PKD1L3: variants seen among roughly 807,000 people sequenced by gnomAD.
The protein encoded by PKD1L3 is polycystin-1-like protein 3.
PKD1L3 carries 239 observed loss-of-function variants against 184.1 expected under a neutral mutation model. That is an observed-to-expected ratio of 1.30 (90% CI 1.17 to 1.45). PKD1L3 has a LOEUF of 1.45. Ranked by LOEUF, PKD1L3 falls within the 40% of genes most tolerant of loss-of-function variation. The probability of loss-of-function intolerance (pLI) is 0.00; values close to 1 mark genes in which losing one functional copy is unlikely to be tolerated. For synonymous variants in PKD1L3, 996 were observed against 778.8 expected, an observed-to-expected ratio of 1.28 and a Z score of -4.64; for missense variants, 2,660 against 2,067.2, an observed-to-expected ratio of 1.29 and a Z score of -5.56.
At chr16:71,956,516 C>T (rs1056676508) in intron 16 of PKD1L3, among the ~76,000 whole-genome samples, 3 of 152,032 alleles carry the variant, frequency 2.0e-5, no homozygotes, top group East Asian at 1.9e-4. Flanking sequence ...AATTCTTGCA[C>T]ATGCTACAGC....
intron 3 of PKD1L3, 124 bp from the exon 4 acceptor site, chr16:71,990,453 C>T: frequency 1.3e-6 from 1 of 743,170 alleles, no homozygotes; most frequent in Admixed American, 2.7e-5. Context: ...AAAACCAAGG[C>T]CGGACATGGT....
At position 71,973,313 on chromosome 16, in the gene PKD1L3, C is replaced by T. The variant is rs1363058698; in HGVS notation, c.1953+11G>A. 2.6e-6 allele frequency: 4 copies of T among 1,551,008 alleles called. No individual in the cohort carries two copies. The highest frequency in any genetic ancestry group is 3.5e-6 in the Non-Finnish European group (4 of 1,146,760). On this transcript the variant is annotated intron_variant, in intron 12 of 29. Coordinates refer to ENST00000620267, the MANE Select transcript of PKD1L3 (RefSeq NM_181536.2). ...CAGAAGAGAGGCCCAAGAAGCGGCT[C>T]AGTTTCTTACTTGGCATCCGGCGCT...
At chr16:71,952,490 A>T (rs1035911898) in intron 18 of PKD1L3, among the ~76,000 whole-genome samples, 2 of 148,572 alleles carry the variant, frequency 1.3e-5, no homozygotes, top group Non-Finnish European at 3.0e-5. Context: ...AAGTGCTGAG[A>T]TTACAGGCGT....
At chr16:71,936,209 C>CTT (rs986834363) in intron 25 of PKD1L3, among the ~76,000 whole-genome samples, 3 of 137,366 alleles carry the variant, frequency 2.2e-5, no homozygotes. Context: ...TTTTTCTTTT[C>CTT]TTTTTTTTTT....
At position 71,929,691 on chromosome 16, in the gene PKD1L3, G is replaced by A; in HGVS notation, c.5059-13C>T. The stretch of plus-strand genomic sequence containing the variant: ...GTGCAGCTTCTTTCTGAGTATTGAA[G>A]ACAAAAAGAGAAAAGTGAGAAAATT... On this transcript the variant is annotated splice_polypyrimidine_tract_variant and intron_variant, in intron 29 of 29. Transcript: ENST00000620267. The A allele has an allele frequency of 1.3e-6, 2 of 1,518,376 alleles. No individual in the cohort carries two copies. Among genetic ancestry groups the A allele is most frequent in the South Asian group, 1.3e-5 (1 of 78,428 alleles). 94.1% of individuals were successfully genotyped at this position (1,518,376 alleles called of 1,614,324 possible).
rs567630909 is a variant in PKD1L3, at chr16:71,979,931, A to G, written c.1272-19T>C. ...GTTTTGTCTAATGAGAAAAGTTAAA[A>G]TGGAAGTCAATTTTTGTGTGTCCTC... On this transcript the variant is annotated intron_variant, in intron 8 of 29. Coordinates refer to ENST00000620267, the MANE Select transcript of PKD1L3 (RefSeq NM_181536.2). 7 of 1,550,630 alleles carry G rather than the reference A, an allele frequency of 4.5e-6. No individual in the cohort carries two copies. In the African/African-American group the frequency reaches 9.6e-5, roughly 21 times the overall value.
rs750980823 is a variant in PKD1L3 at position 71,937,350 on chromosome 16, C to A, written c.4394G>T (p.Trp1465Leu). Residue 1465 changes from tryptophan (W) to leucine (L), a missense_variant, in exon 25 of 30, where the codon TGG (tryptophan) becomes TTG (leucine). Physicochemically the swap from Trp to Leu is moderately conservative, Grantham distance 61. Coordinates refer to ENST00000620267, the MANE Select transcript of PKD1L3 (RefSeq NM_181536.2). ...ATAGATGACTTGTGAGATGATAGAC[C>A]AGACACAGCCCTTCTTTGACATCTG... is the stretch of plus-strand genomic sequence containing the variant. Reference protein sequence around the residue: ...SLQMSKKGCVWSIISQVIYYL... With the variant: ...SLQMSKKGCVLSIISQVIYYL... The A allele has an allele frequency of 6.4e-7, 1 of 1,551,648 alleles. No homozygotes were observed. Among genetic ancestry groups the A allele is most frequent in the South Asian group, 1.2e-5 (1 of 84,052 alleles).
chr16:71,994,177 C>T (rs1200150319), intron 2 of PKD1L3, among the ~76,000 whole-genome samples: 2 of 152,166 alleles, frequency 1.3e-5, no homozygotes, highest in East Asian at 3.9e-4. Flanking sequence ...GACTATGGCT[C>T]AGCTTAAATT....
rs1233719699 is a variant in PKD1L3 at position 71,973,376 on chromosome 16, T to C, written c.1901A>G (p.Gln634Arg). The change falls in exon 12 of 30, where the codon CAG (glutamine) becomes CGG (arginine). Residue 634 changes from glutamine to arginine, a missense_variant. Transcript: ENST00000620267. ...GTTGTGGATCTCCCAGTAGTAACACTGAGTGACGGCGGTGATGACCGAGAC... is the reference window on the plus strand; with the variant it reads ...GTTGTGGATCTCCCAGTAGTAACACCGAGTGACGGCGGTGATGACCGAGAC... Reference protein sequence around the residue: ...SLVSVITAVTQCYYWEIHNQT... With the variant: ...SLVSVITAVTRCYYWEIHNQT... 6.4e-7 allele frequency: 1 copy of C among 1,551,708 alleles called. No homozygotes were observed.
At chr16:71,957,159 G>A (rs73574480) in intron 16 of PKD1L3, among the ~76,000 whole-genome samples, 8 of 151,842 alleles carry the variant, frequency 5.3e-5, no homozygotes, top group South Asian at 2.1e-4. Context: ...AAAAGAATAC[G>A]GTAGACTAGA....
At chr16:71,974,119 G>C (rs1220300591) in intron 11 of PKD1L3, among the ~76,000 whole-genome samples, 1 of 152,146 alleles carries the variant, frequency 6.6e-6, no homozygotes, top group Non-Finnish European at 1.5e-5. Flanking sequence ...ATCTAAGTTA[G>C]CAGATAGAAG....
rs1351180995 is a variant in PKD1L3 at position 72,000,006 on chromosome 16, G to A, written c.-28C>T. ...TCTCTGAATTGTAGCAAGAAAAAGT[G>A]TGGGGGTTTAGCAGCTGCCTGGTCC... On this transcript the variant is annotated 5_prime_UTR_variant, in exon 1 of 30. Coordinates refer to ENST00000620267, the MANE Select transcript of PKD1L3 (RefSeq NM_181536.2). 5 of 1,481,704 alleles carry A rather than the reference G, an allele frequency of 3.4e-6. No individual in the cohort carries two copies. The South Asian group carries it at 5.5e-5, about 16-fold the overall frequency. The allele number at this position is 1,481,704 out of a possible 1,614,324, so 91.8% of individuals were successfully genotyped here.
chr16:71,956,857 T>C (rs2039069324), intron 16 of PKD1L3, among the ~76,000 whole-genome samples: 1 of 152,182 alleles, frequency 6.6e-6, no homozygotes, highest in South Asian at 2.1e-4. Flanking sequence ...AGTGTAAACA[T>C]ACACATAAAT....
chr16:71,965,631 G>A (rs1360032145), intron 15 of PKD1L3, among the ~76,000 whole-genome samples: 1 of 150,234 alleles, frequency 6.7e-6, no homozygotes, highest in Non-Finnish European at 1.5e-5. Flanking sequence ...TCTGCTCAAC[G>A]CAATCTCTGC....
chr16:71,990,063 AGT>A (rs1205071572), intron 4 of PKD1L3, among the ~76,000 whole-genome samples: 12 of 147,174 alleles, frequency 8.2e-5, no homozygotes, highest in Non-Finnish European at 1.5e-5. Flanking sequence ...TGGGTGACAA[AGT>A]GAGACCCTGT....
intron 16 of PKD1L3, among the ~76,000 whole-genome samples, chr16:71,956,354 TG>T: frequency 6.6e-6 from 1 of 152,024 alleles, no homozygotes; most frequent in East Asian, 1.9e-4. Flanking sequence ...CAGCCATGCC[TG>T]GCTAATTTTT....
chr16:71,980,207 G>C (rs777199992), intron 7 of PKD1L3, 73 bp from the exon 8 acceptor site: 357 of 1,481,544 alleles, frequency 2.4e-4, no homozygotes, highest in Middle Eastern at 8.7e-4. Flanking sequence ...ATGTTTTGGA[G>C]AAGATTGGAA....
At position 71,934,124 on chromosome 16, in the gene PKD1L3, A is replaced by G. The variant is rs1264230314; in HGVS notation, c.4615T>C (p.Phe1539Leu). The change falls in exon 27 of 30, where the codon TTC becomes CTC. Residue 1539 changes from phenylalanine to leucine, a missense_variant and splice_region_variant. By Grantham distance (22) the Phe-to-Leu change is conservative. Transcript: ENST00000620267. ...MARYRDDQDRFISFYEAVKVN... is the reference protein window; with the variant it reads ...MARYRDDQDRLISFYEAVKVN... ...TTTACTGCCTCATAGAAGCTGATGAATCTGCACCAAGGAAAGCTGACAGTT... is the reference window on the plus strand; with the variant it reads ...TTTACTGCCTCATAGAAGCTGATGAGTCTGCACCAAGGAAAGCTGACAGTT... 1.3e-6 allele frequency: 2 copies of G among 1,551,808 alleles called. No individual in the cohort carries two copies. Among genetic ancestry groups the G allele is most frequent in the South Asian group, 1.2e-5 (1 of 84,064 alleles).
chr16:71,996,053 T>A (rs1262767427), intron 2 of PKD1L3, among the ~76,000 whole-genome samples: 1 of 152,162 alleles, frequency 6.6e-6, no homozygotes, highest in Non-Finnish European at 1.5e-5. Flanking sequence ...TTTCTTTTTT[T>A]TAAAAAATGT....
Sources: allele counts gnomAD v4.1 joint callset (sites outside exome capture counted in the v4.1 genomes callset), GRCh38; gene constraint gnomAD v4.1.1; transcripts MANE v1.5; gene names NCBI Gene and HGNC (gene_info 2026-07-23, HGNC 2026-07-21).